Variants in PLA2G4E observed in about 807,000 individuals in gnomAD.
PLA2G4E encodes the protein phospholipase A2 group IVE, also known as cytosolic phospholipase A2 epsilon.
PLA2G4E carries 84 observed loss-of-function variants against 109.1 expected under a neutral mutation model. The ratio of observed to expected loss-of-function variants is 0.77; its 90% CI spans 0.65 to 0.92. The LOEUF is 0.92. Among genes scored for constraint, PLA2G4E ranks in the 40% least tolerant of loss-of-function variants. The probability of loss-of-function intolerance (pLI) is 0.00; values close to 1 mark genes in which losing one functional copy is unlikely to be tolerated. For synonymous variants in PLA2G4E, 469 were observed against 436.1 expected (o/e 1.08, Z -0.94); for missense variants, 1,057 against 1,076.6 (o/e 0.98, Z 0.25).
rs1252471585 is a variant in PLA2G4E, at chr15:41,986,033, C to A, written c.2036-28G>T. The A allele has an allele frequency of 2.6e-6, 4 of 1,566,776 alleles. No individual in the cohort carries two copies. In the Admixed American group the frequency reaches 5.6e-5, roughly 22 times the overall value. ...GAAAGCCAAGCCTTCCCGTTACCAA[C>A]ACACCTGGTGCCCTGACAGCCAATG... On this transcript the variant is annotated intron_variant, in intron 17 of 19. Coordinates refer to ENST00000399518, the Ensembl canonical transcript of PLA2G4E.
At chr15:41,993,986 T>C (rs74010948) in intron 12 of PLA2G4E, among the ~76,000 whole-genome samples, 2,271 of 142,732 alleles carry the variant, frequency 0.016, 60 homozygotes, top group African/African-American at 0.054. Flanking sequence ...GTCTATCGCA[T>C]AGTAGTCCGG....
chr15:42,012,010 G>T (rs545163713), intron 2 of PLA2G4E, among the ~76,000 whole-genome samples: 1 of 152,278 alleles, frequency 6.6e-6, no homozygotes, highest in Non-Finnish European at 1.5e-5. Flanking sequence ...CCTTTGGTTG[G>T]CCACTTGGCA....
intron 1 of PLA2G4E, among the ~76,000 whole-genome samples, chr15:42,023,706 AG>A (rs1460014308): frequency 1.3e-5 from 2 of 149,962 alleles, no homozygotes; most frequent in African/African-American, 4.9e-5. Context: ...GGCCAGGTTG[AG>A]CCCCAAACAC....
chr15:42,008,699 T>C (rs2068502322), intron 2 of PLA2G4E, among the ~76,000 whole-genome samples: 2 of 152,166 alleles, frequency 1.3e-5, no homozygotes, highest in African/African-American at 4.8e-5. Flanking sequence ...CTCCCTGCTC[T>C]AGTCTACCTG....
At chr15:42,009,544 C>T (rs778769830) in intron 2 of PLA2G4E, among the ~76,000 whole-genome samples, 14 of 152,212 alleles carry the variant, frequency 9.2e-5, no homozygotes, top group Non-Finnish European at 1.3e-4. Flanking sequence ...AGGAAGGAGT[C>T]CCAGCCACTC....
chr15:42,013,179 T>A (rs1252554906), intron 2 of PLA2G4E, among the ~76,000 whole-genome samples: 1 of 152,232 alleles, frequency 6.6e-6, no homozygotes, highest in Non-Finnish European at 1.5e-5. Context: ...TGCTGTGGAC[T>A]CTGGCATGGT....
At chr15:42,033,946 G>C (rs1566850048) in intron 1 of PLA2G4E, among the ~76,000 whole-genome samples, 1 of 152,086 alleles carries the variant, frequency 6.6e-6, no homozygotes, top group Non-Finnish European at 1.5e-5. Flanking sequence ...GGATGTGTAG[G>C]GATTGGGTGG....
chr15:41,997,392 A>G (rs1262724584), intron 10 of PLA2G4E, 133 bp from the exon 11 acceptor site: 1 of 1,041,886 alleles, frequency 9.6e-7, no homozygotes, highest in African/African-American at 1.6e-5. Flanking sequence ...TTGGGTCTCC[A>G]CTTTCCCATC....
intron 14 of PLA2G4E, 145 bp downstream of exon 14, chr15:41,989,976 T>C: frequency 1.4e-6 from 1 of 691,854 alleles, no homozygotes; most frequent in Non-Finnish European, 2.5e-6. Context: ...GTAGCAAAGG[T>C]GATTTCTCCA....
chr15:41,996,840 A>T, intron 11 of PLA2G4E, among the ~76,000 whole-genome samples: 1 of 152,146 alleles, frequency 6.6e-6, no homozygotes, highest in Non-Finnish European at 1.5e-5. Context: ...TGAGGAGGGC[A>T]TTTTATCCCT....
chr15:41,996,379 A>ATT (rs2068341412), intron 11 of PLA2G4E, among the ~76,000 whole-genome samples: 3 of 116,870 alleles, frequency 2.6e-5, no homozygotes, highest in Admixed American at 8.7e-5. Context: ...AAAAAAAAAA[A>ATT]GGAGGGAGGA....
rs192258893 is a variant in PLA2G4E, at chr15:42,022,504, T to C, written c.184-8747A>G. ...GAATCAGTGGGAACCCTGAGCTTGT[T>C]TTCCTGCAACTAGATGGTTCCATCT... On this transcript the variant is annotated intron_variant, in intron 1 of 19. Transcript: ENST00000399518. 2.8e-3 allele frequency among the ~76,000 whole-genome samples: 419 copies of C among 152,202 alleles called. 4 individuals are homozygous for C. Among genetic ancestry groups the C allele is most frequent in the African/African-American group, 1.0e-2 (413 of 41,492 alleles).
At chr15:42,007,136 C>T (rs940453777) in intron 3 of PLA2G4E, among the ~76,000 whole-genome samples, 5 of 152,178 alleles carry the variant, frequency 3.3e-5, no homozygotes, top group African/African-American at 1.2e-4. Flanking sequence ...GGGGCTGATG[C>T]CACTATGATG....
intron 1 of PLA2G4E, 124 bp from the exon 2 acceptor site, chr15:42,013,881 G>T (rs62004284): frequency 9.9e-6 from 3 of 302,212 alleles, no homozygotes; most frequent in Non-Finnish European, 1.7e-5. Context: ...CCCCTAGGCT[G>T]GTTTTTTTTT....
At chr15:41,984,672 A>C in intron 18 of PLA2G4E, 53 bp from the exon 19 acceptor site, 1 of 1,452,266 alleles carries the variant, frequency 6.9e-7, no homozygotes, top group Non-Finnish European at 9.3e-7. Context: ...GGAGTGGAGG[A>C]GAAGCACAGA....
intron 15 of PLA2G4E, among the ~76,000 whole-genome samples, chr15:41,988,396 A>G (rs1285514558): frequency 6.6e-6 from 1 of 152,160 alleles, no homozygotes; most frequent in Non-Finnish European, 1.5e-5. Context: ...GTAAAGGTGT[A>G]TAAGGCACAG....
chr15:42,045,625 G>C lies in PLA2G4E; in HGVS notation c.183+4896C>G, dbSNP rs370844064. On this transcript the variant is annotated intron_variant, in intron 1 of 19. Transcript: ENST00000399518. ...GGCTCCCAGGACACCACTTTCTCAT[G>C]GGTTGCTTCCAGCCTCACTGCCTGC... Among the ~76,000 whole-genome samples, 5 of 152,276 alleles carry C rather than the reference G, an allele frequency of 3.3e-5. No homozygotes were observed. The South Asian group carries it at 1.0e-3, about 32-fold the overall frequency.
intron 2 of PLA2G4E, among the ~76,000 whole-genome samples, chr15:42,011,457 T>A (rs2068534921): frequency 6.6e-6 from 1 of 152,262 alleles, no homozygotes; most frequent in African/African-American, 2.4e-5. Context: ...GCATAGTGGT[T>A]CACGCCTGTA....
chr15:41,994,600 G>T (rs1322142286), intron 12 of PLA2G4E, among the ~76,000 whole-genome samples: 3 of 152,194 alleles, frequency 2.0e-5, no homozygotes, highest in Non-Finnish European at 4.4e-5. Context: ...CTGGCCTCAA[G>T]CAAGCCTTCT....
Sources: gnomAD v4.1 joint callset for allele counts (sites outside exome capture counted in the v4.1 genomes callset) on GRCh38, gnomAD v4.1.1 for gene constraint, MANE v1.5 for transcripts, NCBI Gene and HGNC (gene_info 2026-07-23, HGNC 2026-07-21) for gene names.